DPP10: variants seen among roughly 807,000 people sequenced by gnomAD.
DPP10 encodes inactive dipeptidyl peptidase 10.
DPP10 carries 33 observed loss-of-function variants against 120.9 expected under a neutral mutation model. The observed-to-expected ratio is 0.27, with a 90% CI of 0.21 to 0.37. The LOEUF is 0.37. Ranked by LOEUF, DPP10 falls within the 10% of genes least tolerant of loss-of-function variation. The pLI is 1.00. For missense variants in DPP10, 816 were observed against 942.8 expected (o/e 0.87, Z 1.76); for synonymous variants, 337 against 326.1 (o/e 1.03, Z -0.36).
intron 1 of DPP10, among the ~76,000 whole-genome samples, chr2:114,884,953 A>G (rs1691936667): frequency 6.6e-6 from 1 of 152,202 alleles, no homozygotes; most frequent in Admixed American, 6.5e-5. Context: ...GAAAGGATGA[A>G]GTAACAATGT....
chr2:115,475,392 G>A (rs941820944), intron 3 of DPP10, among the ~76,000 whole-genome samples: 1 of 152,222 alleles, frequency 6.6e-6, no homozygotes, highest in Non-Finnish European at 1.5e-5. Context: ...GAATGCCAAA[G>A]CTGAGCCTTG....
chr2:115,233,961 A>G (rs764654647), intron 1 of DPP10: 7 of 518,294 alleles, frequency 1.4e-5, no homozygotes, highest in Non-Finnish European at 2.3e-5. Flanking sequence ...GAACTAAGAG[A>G]TAAATCAGCC....
At chr2:115,757,334 A>C (rs1459575655) in intron 11 of DPP10, among the ~76,000 whole-genome samples, 1 of 152,038 alleles carries the variant, frequency 6.6e-6, no homozygotes, top group Non-Finnish European at 1.5e-5. Context: ...ATTTCCAAAA[A>C]AAAATAATAA....
At chr2:114,904,978 A>G (rs551455386) in intron 1 of DPP10, among the ~76,000 whole-genome samples, 1 of 152,274 alleles carries the variant, frequency 6.6e-6, no homozygotes, top group African/African-American at 2.4e-5. Context: ...CAGATTTTAT[A>G]GAGCCATCAA....
At chr2:114,736,088 G>A (rs949580651) in intron 1 of DPP10, among the ~76,000 whole-genome samples, 4 of 151,780 alleles carry the variant, frequency 2.6e-5, no homozygotes, top group African/African-American at 9.7e-5. Context: ...AAGTGAAAAT[G>A]AGCCTTGGAA....
At chr2:115,495,810 C>T (rs970126965) in intron 3 of DPP10, among the ~76,000 whole-genome samples, 3 of 152,102 alleles carry the variant, frequency 2.0e-5, no homozygotes, top group East Asian at 1.9e-4. Context: ...CTGACTGAGT[C>T]GAATGTGTGT....
intron 3 of DPP10, among the ~76,000 whole-genome samples, chr2:115,401,067 C>T (rs934966501): frequency 4.6e-5 from 7 of 152,210 alleles, no homozygotes; most frequent in Non-Finnish European, 1.0e-4. Flanking sequence ...TGAAAATGAG[C>T]GAGCCATAGA....
chr2:114,462,248 AT>A, intron 1 of DPP10: 1 of 575,860 alleles, frequency 1.7e-6, no homozygotes, highest in Non-Finnish European at 2.2e-6. Context: ...TATTGCTAAT[AT>A]TTTACACTAC....
At chr2:115,165,418 A>G (rs1457923803) in intron 1 of DPP10, among the ~76,000 whole-genome samples, 1 of 152,224 alleles carries the variant, frequency 6.6e-6, no homozygotes, top group Non-Finnish European at 1.5e-5. Context: ...ATTGCAAATT[A>G]TATGTGTATG....
chr2:115,413,871 T>C (rs1479111551), intron 3 of DPP10, among the ~76,000 whole-genome samples: 1 of 151,982 alleles, frequency 6.6e-6, no homozygotes, highest in East Asian at 1.9e-4. Context: ...TGTAACCATT[T>C]GACTTTATCT....
chr2:114,722,600 C>A (rs974396758), intron 1 of DPP10, among the ~76,000 whole-genome samples: 23 of 151,738 alleles, frequency 1.5e-4, no homozygotes, highest in Non-Finnish European at 2.9e-4. Flanking sequence ...CACGGCGAAA[C>A]CCCGTCTCTA....
At chr2:115,606,325 C>CA (rs889902693) in intron 5 of DPP10, among the ~76,000 whole-genome samples, 3 of 151,312 alleles carry the variant, frequency 2.0e-5, no homozygotes, top group East Asian at 1.9e-4. Flanking sequence ...ATGAAATTGC[C>CA]AAAAAAAGAA....
At chr2:115,218,113 G>C (rs1343341978) in intron 1 of DPP10, among the ~76,000 whole-genome samples, 1 of 152,160 alleles carries the variant, frequency 6.6e-6, no homozygotes, top group Non-Finnish European at 1.5e-5. Flanking sequence ...CATGTGTTAA[G>C]CTGAACTGAA....
chr2:115,005,997 C>G (rs1050378079), intron 1 of DPP10, among the ~76,000 whole-genome samples: 3 of 152,090 alleles, frequency 2.0e-5, no homozygotes, highest in Admixed American at 6.5e-5. Context: ...AAGGGAAGCC[C>G]ATCAGACTAA....
At chr2:115,038,366 G>T (rs1704379790) in intron 1 of DPP10, among the ~76,000 whole-genome samples, 1 of 152,088 alleles carries the variant, frequency 6.6e-6, no homozygotes, top group African/African-American at 2.4e-5. Context: ...CGCCTCCCGG[G>T]TTCACGCCAT....
chr2:114,787,809 G>A (rs1210634996), intron 1 of DPP10, among the ~76,000 whole-genome samples: 2 of 152,166 alleles, frequency 1.3e-5, no homozygotes, highest in African/African-American at 2.4e-5. Flanking sequence ...GATTTTAGAA[G>A]AGTGTTAAAT....
chr2:115,091,621 T>C (rs1222450795), intron 1 of DPP10, among the ~76,000 whole-genome samples: 1 of 152,200 alleles, frequency 6.6e-6, no homozygotes, highest in African/African-American at 2.4e-5. Flanking sequence ...TATTTTTCAT[T>C]GGCCGTCCGT....
intron 1 of DPP10, among the ~76,000 whole-genome samples, chr2:114,880,721 T>C (rs1691532654): frequency 1.3e-5 from 2 of 152,124 alleles, no homozygotes; most frequent in Non-Finnish European, 2.9e-5. Flanking sequence ...ATGTGCCAAG[T>C]TTTTCAAACG....
At chr2:115,669,826 G>T (rs2089731448) in intron 5 of DPP10, among the ~76,000 whole-genome samples, 1 of 152,116 alleles carries the variant, frequency 6.6e-6, no homozygotes, top group African/African-American at 2.4e-5. Flanking sequence ...TCTGAGAAGA[G>T]CCAGATTCCT....
Sources: allele counts gnomAD v4.1 joint callset (sites outside exome capture counted in the v4.1 genomes callset), GRCh38; gene constraint gnomAD v4.1.1; transcripts MANE v1.5; gene names NCBI Gene and HGNC (gene_info 2026-07-23, HGNC 2026-07-21).